Variants in ZXDC observed in about 807,000 individuals in gnomAD.
ZXDC encodes the protein ZXD family zinc finger C.
ZXDC carries 58 observed loss-of-function variants against 63.6 expected under a neutral mutation model. The observed-to-expected ratio is 0.91, with a 90% confidence interval of 0.74 to 1.13. The LOEUF (loss-of-function observed/expected upper bound fraction) is 1.13, where lower values mean the gene tolerates loss of function less well. Ranked by LOEUF, ZXDC falls within the 50% of genes most tolerant of loss-of-function variation. The pLI, the probability that ZXDC is intolerant of heterozygous loss-of-function variation, is 0.00. For synonymous variants in ZXDC, 561 were observed against 496.1 expected (o/e 1.13, Z -1.74); for missense variants, 1,133 against 1,148.9 (o/e 0.99, Z 0.20).
intron 5 of ZXDC, among the ~76,000 whole-genome samples, chr3:126,463,745 C>T (rs1468280474): frequency 6.6e-6 from 1 of 152,212 alleles, no homozygotes; most frequent in Non-Finnish European, 1.5e-5. Context: ...GATCCTATTT[C>T]TCCCATGCCA....
At chr3:126,464,610 G>A (rs1382698644) in intron 5 of ZXDC, among the ~76,000 whole-genome samples, 1 of 152,158 alleles carries the variant, frequency 6.6e-6, no homozygotes, top group Non-Finnish European at 1.5e-5. Flanking sequence ...TCCCACTAGA[G>A]TTTAAGGAAA....
intron 7 of ZXDC, among the ~76,000 whole-genome samples, chr3:126,447,841 G>A (rs893646109): frequency 3.9e-5 from 6 of 152,158 alleles, no homozygotes; most frequent in Non-Finnish European, 4.4e-5. Flanking sequence ...CATCACCCTC[G>A]CCCGCTGTCC....
chr3:126,468,241 G>A (rs1209367082), intron 4 of ZXDC, among the ~76,000 whole-genome samples: 1 of 152,056 alleles, frequency 6.6e-6, no homozygotes, highest in Non-Finnish European at 1.5e-5. Context: ...TAGCCCCGAG[G>A]CCGCAACGAG....
chr3:126,438,835 T>C (rs1933561561), intron 9 of ZXDC, among the ~76,000 whole-genome samples: 1 of 152,202 alleles, frequency 6.6e-6, no homozygotes, highest in Admixed American at 6.5e-5. Flanking sequence ...GACCAGGATG[T>C]GGCCCAGGGC....
intron 7 of ZXDC, among the ~76,000 whole-genome samples, chr3:126,458,014 G>A (rs1478084256): frequency 1.3e-5 from 2 of 152,234 alleles, no homozygotes; most frequent in Non-Finnish European, 2.9e-5. Flanking sequence ...AGACCTAGCA[G>A]AGAACCCTAC....
chr3:126,461,501 C>CTA (rs1169248489), intron 6 of ZXDC, 34 bp downstream of exon 6: 1 of 1,573,272 alleles, frequency 6.4e-7, no homozygotes. Flanking sequence ...GAGAAGTGAC[C>CTA]TATATGGTGG....
chr3:126,450,938 G>A (rs1026598661), intron 7 of ZXDC, among the ~76,000 whole-genome samples: 3 of 152,116 alleles, frequency 2.0e-5, no homozygotes, highest in African/African-American at 7.2e-5. Flanking sequence ...GGGGTCCCGG[G>A]GTGGCCACAA....
intron 8 of ZXDC, 30 bp from the exon 9 acceptor site, chr3:126,439,757 CAT>C: frequency 3.2e-6 from 5 of 1,544,440 alleles, no homozygotes; most frequent in Non-Finnish European, 4.4e-6. Context: ...AGGCCTGTCA[CAT>C]GTCTGTGAGA....
In ZXDC at chr3:126,467,500, C is replaced by T. The variant is rs144498726; in HGVS notation, c.1271-1175G>A. ...ACCTTCTTAAGACGGTGGGGTGGTA[C>T]TGCCAGAGCCCAGCGCCTGGAGGAG... On this transcript the variant is annotated intron_variant, in intron 4 of 9. Coordinates refer to ENST00000389709, the MANE Select transcript of ZXDC (RefSeq NM_025112.5). Among the ~76,000 whole-genome samples, 375 of 152,268 alleles carry T rather than the reference C, an allele frequency of 2.5e-3. 3 individuals carry two copies. The highest frequency in any genetic ancestry group is 8.3e-3 in the African/African-American group (344 of 41,556).
intron 7 of ZXDC, among the ~76,000 whole-genome samples, chr3:126,458,329 T>C (rs145349912): frequency 0.017 from 2,551 of 151,252 alleles, 77 homozygotes; most frequent in South Asian, 0.13. Flanking sequence ...CTCTGCCTCC[T>C]GGGTTCAAGC....
intron 7 of ZXDC, chr3:126,451,388 A>G (rs1934093265): frequency 2.0e-6 from 2 of 985,282 alleles, no homozygotes; most frequent in Non-Finnish European, 1.2e-6. Flanking sequence ...CAAATATTAT[A>G]AACAGTCCCG....
intron 5 of ZXDC, among the ~76,000 whole-genome samples, chr3:126,463,390 C>A (rs1436100011): frequency 1.3e-5 from 2 of 151,948 alleles, no homozygotes; most frequent in Non-Finnish European, 2.9e-5. Context: ...TCTAACAGGC[C>A]CTTCTTCATC....
In ZXDC at chr3:126,461,704, G is replaced by A. The variant is rs528105219; in HGVS notation, c.1958C>T (p.Pro653Leu). ...SSTPRENASVPELLAPIKVEP... is the reference protein window; with the variant it reads ...SSTPRENASVLELLAPIKVEP... ...CACCTTGATTGGAGCCAGCAGTTCC[G>A]GGACACTGGCATTTTCTCGGGGGGT... Residue 653 changes from proline (P) to leucine (L), a missense_variant, in exon 6 of 10, where the codon CCG (proline) becomes CTG (leucine). By Grantham distance (98) the Pro-to-Leu change is moderately conservative. Transcript: ENST00000389709. 3.8e-5 allele frequency: 62 copies of A among 1,613,868 alleles called. No individual in the cohort carries two copies. Among genetic ancestry groups the A allele is most frequent in the Middle Eastern group, 1.6e-4 (1 of 6,062 alleles).
At chr3:126,464,549 C>T (rs914299348) in intron 5 of ZXDC, among the ~76,000 whole-genome samples, 4 of 152,148 alleles carry the variant, frequency 2.6e-5, no homozygotes, top group Admixed American at 1.3e-4. Flanking sequence ...CATTGTCACA[C>T]AGGAAATTCA....
At position 126,462,074 on chromosome 3, in the gene ZXDC, C is replaced by A; in HGVS notation, c.1588G>T (p.Asp530Tyr). The A allele has an allele frequency of 1.2e-6, 2 of 1,614,150 alleles. No individual in the cohort carries two copies. Among genetic ancestry groups the A allele is most frequent in the Non-Finnish European group, 1.7e-6 (2 of 1,180,028 alleles). Residue 530 changes from aspartate to tyrosine, a missense_variant, in exon 6 of 10, where the codon GAT becomes TAT. Physicochemically the swap from Asp to Tyr is radical, Grantham distance 160. Coordinates refer to ENST00000389709, the MANE Select transcript of ZXDC (RefSeq NM_025112.5). The stretch of plus-strand genomic sequence containing the variant: ...AGGATTCCGGAGTTCAGAGCCTCAT[C>A]CGACCCACCTGCAGAACCACTAGCA... ...ANASGSAGGSDEALNSGILTI... is the reference protein window; with the variant it reads ...ANASGSAGGSYEALNSGILTI...
intron 1 of ZXDC, among the ~76,000 whole-genome samples, chr3:126,474,348 GCCACCGCGC>G (rs1935098641): frequency 6.6e-6 from 1 of 152,176 alleles, no homozygotes; most frequent in African/African-American, 2.4e-5. Flanking sequence ...ACAGGCGTGA[GCCACCGCGC>G]CCAGCCACCA....
intron 7 of ZXDC, chr3:126,453,126 G>A (rs1377710960): frequency 1.0e-6 from 1 of 985,234 alleles, no homozygotes; most frequent in Non-Finnish European, 1.2e-6. Context: ...GAGAACTGAG[G>A]AACTATTCAT....
intron 7 of ZXDC, chr3:126,453,645 T>C: frequency 2.0e-6 from 2 of 985,436 alleles, no homozygotes; most frequent in Non-Finnish European, 2.4e-6. Context: ...AGCTCAAACT[T>C]ATAAACACAT....
rs963017982 is a variant in ZXDC, at chr3:126,437,732, C to T, written c.*643G>A. The T allele has an allele frequency of 1.3e-5, 2 of 152,272 alleles. No homozygotes were observed. The highest frequency in any genetic ancestry group is 6.5e-5 in the Admixed American group (1 of 15,296). 9.4% of individuals were successfully genotyped at this position (152,272 alleles called of 1,614,324 possible). On this transcript the variant is annotated 3_prime_UTR_variant, in exon 10 of 10. Coordinates refer to ENST00000389709, the MANE Select transcript of ZXDC (RefSeq NM_025112.5). Reference sequence around the variant, plus strand: ...TTAAATTTTAACTCTACCATCCCCCCGAGCTCTCGGCTATGAATTTAGTCT... The same window carrying T: ...TTAAATTTTAACTCTACCATCCCCCTGAGCTCTCGGCTATGAATTTAGTCT...
Sources: allele counts gnomAD v4.1 joint callset (sites outside exome capture counted in the v4.1 genomes callset), GRCh38; gene constraint gnomAD v4.1.1; transcripts MANE v1.5; gene names NCBI Gene and HGNC (gene_info 2026-07-23, HGNC 2026-07-21).